The following PACC1 variants were observed in gnomAD, a reference collection of about 807,000 sequenced individuals.
The protein encoded by PACC1 is proton activated chloride channel 1, also known as proton-activated chloride channel.
PACC1 carries 34 observed loss-of-function variants against 39.7 expected under a neutral mutation model. The observed-to-expected ratio is 0.86, with a 90% CI of 0.65 to 1.14. The LOEUF is 1.14. Ranked by LOEUF, PACC1 falls within the 50% of genes most tolerant of loss-of-function variation. The probability of loss-of-function intolerance (pLI) is 0.00; values close to 1 mark genes in which losing one functional copy is unlikely to be tolerated. For missense variants in PACC1, 379 were observed against 436.4 expected (o/e 0.87, Z 1.17); for synonymous variants, 127 against 160.6 (o/e 0.79, Z 1.58).
In PACC1 at chr1:212,370,220, A is replaced by G. The variant is rs1333224963; in HGVS notation, c.892-4844T>C. ...GGAGGCTCACGCCTGTAATCCCAGC[A>G]CTTTGGGAGATCAAGGTGGGCAGAT... On this transcript the variant is annotated intron_variant, in intron 7 of 7. Transcript: ENST00000261455. 2.6e-5 allele frequency among the ~76,000 whole-genome samples: 4 copies of G among 152,250 alleles called. No individual in the cohort carries two copies. The East Asian group carries it at 7.7e-4, about 29-fold the overall frequency.
rs1660820288 is a variant in PACC1, at chr1:212,380,020, G to A, written c.513C>T (p.Val171=). ...SNQTVKSALI[V]QGPREVKKRE... ...GCTTTTTCACTTCCCGGGGCCCCTG[G>A]ACAATCAGGGCAGATTTCTGCAGAG... The change falls in exon 5 of 8, where the codon GTC becomes GTT. Residue 171 remains valine (V), a synonymous_variant. Transcript: ENST00000261455. 2 of 1,614,012 alleles carry A rather than the reference G, an allele frequency of 1.2e-6. No individual in the cohort carries two copies. Among genetic ancestry groups the A allele is most frequent in the Non-Finnish European group, 8.5e-7 (1 of 1,180,038 alleles).
intron 2 of PACC1, among the ~76,000 whole-genome samples, chr1:212,401,337 G>C (rs533858413): frequency 2.0e-5 from 3 of 152,054 alleles, no homozygotes; most frequent in African/African-American, 7.2e-5. Context: ...CTATGTTTTC[G>C]AGATACAGCT....
chr1:212,391,920 C>A (rs1357924772), intron 2 of PACC1, among the ~76,000 whole-genome samples: 3 of 152,120 alleles, frequency 2.0e-5, no homozygotes, highest in African/African-American at 7.2e-5. Context: ...ACGAACAAAG[C>A]CTCCAAGAAA....
intron 5 of PACC1, among the ~76,000 whole-genome samples, chr1:212,378,274 C>T (rs1262678337): frequency 2.6e-5 from 4 of 152,160 alleles, no homozygotes; most frequent in Admixed American, 6.5e-5. Context: ...AGCAGCATAC[C>T]GAGGAAGCTC....
intron 4 of PACC1, among the ~76,000 whole-genome samples, chr1:212,383,415 C>T (rs956987934): frequency 3.9e-5 from 6 of 152,142 alleles, no homozygotes; most frequent in African/African-American, 7.2e-5. Flanking sequence ...TTTTCATTAG[C>T]GTGTTTTACA....
chr1:212,365,446 T>C (rs1278290030), intron 7 of PACC1, 70 bp from the exon 8 acceptor site: 1 of 1,417,810 alleles, frequency 7.1e-7, no homozygotes, highest in Non-Finnish European at 9.4e-7. Flanking sequence ...TTTTTTTTTT[T>C]TTGAGATGGA....
chr1:212,367,769 A>G (rs2102462762), intron 7 of PACC1, among the ~76,000 whole-genome samples: 1 of 152,314 alleles, frequency 6.6e-6, no homozygotes. Context: ...GCCCTGCCAC[A>G]GCACCAGGAA....
chr1:212,375,128 C>G, intron 7 of PACC1, 65 bp downstream of exon 7: 3 of 1,292,942 alleles, frequency 2.3e-6, no homozygotes, highest in Non-Finnish European at 3.3e-6. Flanking sequence ...AATAATACAT[C>G]TATCATAATC....
rs1488163612 is a variant in PACC1 at position 212,389,890 on chromosome 1, T to TA, written c.134-2791dup. ...CACTGTAAAAATGTTTCATAAAATT[T>TA]AAAAAAACAGATGGAAATTCCAGAT... On this transcript the variant is annotated intron_variant, in intron 2 of 7. Coordinates refer to ENST00000261455, the MANE Select transcript of PACC1 (RefSeq NM_018252.3). Among the ~76,000 whole-genome samples the TA allele has an allele frequency of 4.6e-5, 7 of 152,086 alleles. No homozygotes were observed. In the East Asian group the frequency reaches 1.3e-3, roughly 29 times the overall value.
At chr1:212,378,952 CT>C (rs141994711) in intron 5 of PACC1, among the ~76,000 whole-genome samples, 313 of 143,168 alleles carry the variant, frequency 2.2e-3, no homozygotes, top group South Asian at 3.6e-3. Flanking sequence ...TTATGATTTC[CT>C]TTTTTTTTTT....
At chr1:212,390,612 C>T (rs1034195457) in intron 2 of PACC1, among the ~76,000 whole-genome samples, 12 of 151,914 alleles carry the variant, frequency 7.9e-5, no homozygotes, top group African/African-American at 2.2e-4. Context: ...GTGGGTGCAG[C>T]GCACCGAGTG....
At chr1:212,368,119 G>C (rs556353034) in intron 7 of PACC1, among the ~76,000 whole-genome samples, 1 of 152,288 alleles carries the variant, frequency 6.6e-6, no homozygotes, top group South Asian at 2.1e-4. Flanking sequence ...GTACATCAGG[G>C]CTGGATATCT....
At chr1:212,411,909 G>A (rs1011357870) in intron 1 of PACC1, among the ~76,000 whole-genome samples, 2 of 152,164 alleles carry the variant, frequency 1.3e-5, no homozygotes, top group African/African-American at 4.8e-5. Context: ...GGGAGGCCGA[G>A]GTGGGCGGAT....
At chr1:212,407,854 C>T (rs552541466) in intron 2 of PACC1, among the ~76,000 whole-genome samples, 13 of 152,210 alleles carry the variant, frequency 8.5e-5, no homozygotes, top group Non-Finnish European at 1.6e-4. Context: ...GTGGGCGGAT[C>T]ACCTGAGGTC....
chr1:212,366,758 A>G (rs543015027), intron 7 of PACC1, among the ~76,000 whole-genome samples: 17 of 152,284 alleles, frequency 1.1e-4, no homozygotes, highest in African/African-American at 3.4e-4. Flanking sequence ...CACACATTAC[A>G]CAACGAGCTG....
chr1:212,404,741 C>T (rs544318605), intron 2 of PACC1, among the ~76,000 whole-genome samples: 6 of 149,634 alleles, frequency 4.0e-5, no homozygotes, highest in East Asian at 2.0e-4. Flanking sequence ...GGATTACAGG[C>T]GTGCATCATT....
At chr1:212,396,796 ATATCTATCTATC>A (rs56926217) in intron 2 of PACC1, among the ~76,000 whole-genome samples, 40,583 of 146,580 alleles carry the variant, frequency 0.28, 5,922 homozygotes, top group African/African-American at 0.36. Flanking sequence ...AGGGAAAAAA[ATATCTATCTATC>A]TATCTATCTA....
chr1:212,368,253 TCTC>T (rs1219269809), intron 7 of PACC1, among the ~76,000 whole-genome samples: 3 of 152,026 alleles, frequency 2.0e-5, no homozygotes, highest in Non-Finnish European at 4.4e-5. Context: ...TTGTAGAAAA[TCTC>T]CTGAAGATAG....
intron 2 of PACC1, among the ~76,000 whole-genome samples, chr1:212,406,224 A>G (rs1465978041): frequency 2.0e-5 from 3 of 151,502 alleles, no homozygotes; most frequent in African/African-American, 7.3e-5. Flanking sequence ...TATTATTAGA[A>G]GACTCAAAGG....
Sources: gnomAD v4.1 joint callset for allele counts (sites outside exome capture counted in the v4.1 genomes callset) on GRCh38, gnomAD v4.1.1 for gene constraint, MANE v1.5 for transcripts, NCBI Gene and HGNC (gene_info 2026-07-23, HGNC 2026-07-21) for gene names.